ZRANB3: variants seen among roughly 807,000 people sequenced by gnomAD.
ZRANB3 encodes DNA annealing helicase and endonuclease ZRANB3.
A neutral mutation model predicts 133.8 loss-of-function variants in ZRANB3; 125 were observed. That is an observed-to-expected ratio of 0.93 (90% confidence interval 0.81 to 1.08). The LOEUF (loss-of-function observed/expected upper bound fraction) is 1.08, where lower values mean the gene tolerates loss of function less well. Ranked by LOEUF, ZRANB3 falls within the 50% of genes least tolerant of loss-of-function variation. ZRANB3 has a pLI of 0.00. For synonymous variants in ZRANB3, 387 were observed against 432.7 expected, an observed-to-expected ratio of 0.89 and a Z score of 1.31; for missense variants, 1,229 against 1,275.5, an observed-to-expected ratio of 0.96 and a Z score of 0.56.
rs138771859 is a variant in ZRANB3 at position 135,364,385 on chromosome 2, C to G, written c.181-10757G>C. 5.8e-3 allele frequency among the ~76,000 whole-genome samples: 890 copies of G among 152,264 alleles called. 8 individuals are homozygous for G. Among genetic ancestry groups the G allele is most frequent in the South Asian group, 0.042 (202 of 4,828 alleles). ...TGGTTTCTTGACTGACCTTTAATTA[C>G]AATTCCAAGGCAGTATAAACATAGT... is the stretch of plus-strand genomic sequence containing the variant. On this transcript the variant is annotated intron_variant, in intron 3 of 20. Coordinates refer to ENST00000264159, the MANE Select transcript of ZRANB3 (RefSeq NM_032143.4).
At chr2:135,260,178 A>G (rs754474075) in intron 12 of ZRANB3, among the ~76,000 whole-genome samples, 2 of 152,196 alleles carry the variant, frequency 1.3e-5, no homozygotes, top group East Asian at 1.9e-4. Flanking sequence ...GATGACCTAC[A>G]TTATCACTCA....
intron 8 of ZRANB3, among the ~76,000 whole-genome samples, chr2:135,291,354 T>G (rs567829802): frequency 6.6e-6 from 1 of 152,096 alleles, no homozygotes; most frequent in East Asian, 1.9e-4. Flanking sequence ...AGCTAATTTT[T>G]GTATTTTTAG....
chr2:135,403,950 G>A (rs1687871224), intron 2 of ZRANB3, among the ~76,000 whole-genome samples: 1 of 152,124 alleles, frequency 6.6e-6, no homozygotes, highest in Non-Finnish European at 1.5e-5. Context: ...AATCCCATCG[G>A]TACGTCACCA....
chr2:135,319,179 C>T lies in ZRANB3; in HGVS notation c.678-3649G>A, dbSNP rs541106141. ...CACTTTTGTTACTTAAACAGAATTA[C>T]GAATAAAAAGTGAAGTACAAATATG... On this transcript the variant is annotated intron_variant, in intron 6 of 20. Coordinates refer to ENST00000264159, the MANE Select transcript of ZRANB3 (RefSeq NM_032143.4). Among the ~76,000 whole-genome samples, 148 of 151,836 alleles carry T rather than the reference C, an allele frequency of 9.7e-4. 3 individuals carry two copies. Among genetic ancestry groups the T allele is most frequent in the African/African-American group, 2.6e-3 (108 of 41,426 alleles).
chr2:135,240,186 A>G (rs1161343391), intron 12 of ZRANB3, among the ~76,000 whole-genome samples: 1 of 151,298 alleles, frequency 6.6e-6, no homozygotes, highest in East Asian at 2.0e-4. Flanking sequence ...TACAAAAAAC[A>G]GAAAAATTAG....
intron 2 of ZRANB3, among the ~76,000 whole-genome samples, chr2:135,485,316 GC>G (rs1413501700): frequency 6.6e-6 from 1 of 152,098 alleles, no homozygotes; most frequent in Non-Finnish European, 1.5e-5. Context: ...TATCCCAGGG[GC>G]CAGTCTGGGT....
chr2:135,393,514 T>C (rs1302178310), intron 2 of ZRANB3, among the ~76,000 whole-genome samples: 1 of 151,954 alleles, frequency 6.6e-6, no homozygotes, highest in African/African-American at 2.4e-5. Flanking sequence ...AGAAGACCTA[T>C]TTTACAAAAA....
intron 8 of ZRANB3, among the ~76,000 whole-genome samples, chr2:135,276,289 T>A (rs1009423228): frequency 2.0e-5 from 3 of 151,184 alleles, no homozygotes; most frequent in Admixed American, 6.6e-5. Flanking sequence ...AAATAAGCAG[T>A]TCAAGGAGTA....
chr2:135,516,959 T>C lies in ZRANB3; in HGVS notation c.-7-12463A>G, dbSNP rs572976020. 3.2e-4 allele frequency among the ~76,000 whole-genome samples: 48 copies of C among 152,266 alleles called. No individual in the cohort carries two copies. In the South Asian group the frequency reaches 9.7e-3, roughly 31 times the overall value. On this transcript the variant is annotated intron_variant, in intron 1 of 20. Transcript: ENST00000264159. ...ACATAGTCCCATATTTCTTGGAGGC[T>C]TTGTTCATTCCCTTTCATTCTTCTT...
intron 6 of ZRANB3, among the ~76,000 whole-genome samples, chr2:135,330,685 A>G (rs1684092733): frequency 7.6e-6 from 1 of 131,914 alleles, no homozygotes; most frequent in African/African-American, 3.9e-5. Flanking sequence ...CTGGTCCTGG[A>G]CTTTTTTTTG....
chr2:135,341,072 G>A (rs1684633765), intron 6 of ZRANB3, among the ~76,000 whole-genome samples: 1 of 149,780 alleles, frequency 6.7e-6, no homozygotes, highest in African/African-American at 2.6e-5. Context: ...TGCTGCCCAG[G>A]CTGGAGTGCA....
intron 3 of ZRANB3, among the ~76,000 whole-genome samples, chr2:135,386,679 C>T (rs975981587): frequency 2.6e-5 from 4 of 152,258 alleles, no homozygotes; most frequent in Middle Eastern, 3.4e-3. Flanking sequence ...AGGATAAGTT[C>T]GTGTCCTTTG....
intron 8 of ZRANB3, among the ~76,000 whole-genome samples, chr2:135,297,022 T>C (rs1294519230): frequency 6.6e-6 from 1 of 152,082 alleles, no homozygotes. Context: ...TACTCGGGGG[T>C]CAGGGACCCA....
intron 12 of ZRANB3, among the ~76,000 whole-genome samples, chr2:135,254,626 C>CA (rs929118972): frequency 6.6e-6 from 1 of 151,898 alleles, no homozygotes; most frequent in African/African-American, 2.4e-5. Context: ...AAAAACAAAA[C>CA]AAAAAACAGC....
intron 15 of ZRANB3, among the ~76,000 whole-genome samples, chr2:135,222,027 A>T (rs1335043466): frequency 6.6e-6 from 1 of 152,248 alleles, no homozygotes; most frequent in Non-Finnish European, 1.5e-5. Flanking sequence ...CATCTCCAAC[A>T]TATTATCTTT....
At chr2:135,286,630 C>T (rs1006016279) in intron 8 of ZRANB3, among the ~76,000 whole-genome samples, 1 of 152,152 alleles carries the variant, frequency 6.6e-6, no homozygotes, top group East Asian at 1.9e-4. Context: ...AAGGTGGTAT[C>T]GCACTGTGGT....
At chr2:135,519,473 C>G (rs1027785030) in intron 1 of ZRANB3, among the ~76,000 whole-genome samples, 1 of 152,110 alleles carries the variant, frequency 6.6e-6, no homozygotes, top group Non-Finnish European at 1.5e-5. Context: ...CAGAGCAAGA[C>G]TCAGAAAGAT....
intron 1 of ZRANB3, among the ~76,000 whole-genome samples, chr2:135,516,970 C>T (rs990931631): frequency 6.6e-6 from 1 of 151,894 alleles, no homozygotes; most frequent in African/African-American, 2.4e-5. Context: ...TTGTTCATTC[C>T]CTTTCATTCT....
rs368746607 is a variant in ZRANB3, at chr2:135,225,578, G to C, written c.2159-1061C>G. Among the ~76,000 whole-genome samples the C allele has an allele frequency of 2.2e-4, 33 of 152,300 alleles. No homozygotes were observed. In the South Asian group the frequency reaches 5.8e-3, roughly 27 times the overall value. ...AAATAGTTGTCTTTGCCTTAGTATG[G>C]ATGAGCTGAGTCATAGCTGTAATAC... is the stretch of plus-strand genomic sequence containing the variant. On this transcript the variant is annotated intron_variant, in intron 14 of 20. Transcript: ENST00000264159.
Sources: allele counts gnomAD v4.1 joint callset (sites outside exome capture counted in the v4.1 genomes callset), GRCh38; gene constraint gnomAD v4.1.1; transcripts MANE v1.5; gene names NCBI Gene and HGNC (gene_info 2026-07-23, HGNC 2026-07-21).